FGF13: variants seen among roughly 807,000 people sequenced by gnomAD.
The protein encoded by FGF13 is fibroblast growth factor homologous factor 2.
A neutral mutation model predicts 19.5 loss-of-function variants in FGF13; 2 were observed. The observed-to-expected ratio is 0.10, with a 90% CI of 0.04 to 0.32. The LOEUF (loss-of-function observed/expected upper bound fraction) is 0.32. Among genes scored for constraint, FGF13 ranks in the 10% least tolerant of loss-of-function variants. The pLI is 1.00. For synonymous variants in FGF13, 72 were observed against 76.9 expected, an observed-to-expected ratio of 0.94 and a Z score of 0.33; for missense variants, 113 against 192.7, an observed-to-expected ratio of 0.59 and a Z score of 2.45.
At chrX:139,150,178 A>G (rs941226469) in intron 1 of FGF13, among the ~76,000 whole-genome samples, 13 of 111,438 alleles carry the variant, frequency 1.2e-4, no homozygotes, top group African/African-American at 3.9e-4. Context: ...CTGCCAGGGA[A>G]GAAGACAGAA....
At chrX:138,984,523 G>GAAGAACAA (rs2091979498) in intron 1 of FGF13, among the ~76,000 whole-genome samples, 4 of 31,578 alleles carry the variant, frequency 1.3e-4, no homozygotes, top group African/African-American at 4.9e-4. Context: ...AAGAAGAAGA[G>GAAGAACAA]GAAGAAGAAG....
At chrX:138,908,859 C>T (rs2091572997) in intron 1 of FGF13, among the ~76,000 whole-genome samples, 1 of 112,249 alleles carries the variant, frequency 8.9e-6, no homozygotes, top group Non-Finnish European at 1.9e-5. Flanking sequence ...CTATTCCTAA[C>T]ATCTGCCTTC....
chrX:139,061,695 G>A (rs1295804384), intron 1 of FGF13, among the ~76,000 whole-genome samples: 2 of 111,515 alleles, frequency 1.8e-5, no homozygotes, highest in Non-Finnish European at 3.8e-5. Context: ...CAGGGTACAA[G>A]GGTTCCCTTT....
At chrX:138,788,725 T>C (rs2124369558) in intron 3 of FGF13, among the ~76,000 whole-genome samples, 1 of 112,314 alleles carries the variant, frequency 8.9e-6, no homozygotes, top group South Asian at 3.8e-4. Context: ...ATTATGTTTG[T>C]GGTTGACATC....
Position 138,622,553 on chromosome X carries a change from T to C in FGF13, c.*10297A>G, listed in dbSNP as rs2089023539. 1 of 112,347 alleles carries C rather than the reference T, an allele frequency of 8.9e-6. No homozygotes were observed. The highest frequency in any genetic ancestry group is 3.2e-5 in the African/African-American group (1 of 30,974). The allele number at this position is 112,347 out of a possible 1,213,427, so 9.3% of individuals were successfully genotyped here. ...TCTGAAATCAGGATGAAGAAGAGAA[T>C]GCTCACTCTTGCCACTTCTATTCCA... On this transcript the variant is annotated 3_prime_UTR_variant, in exon 5 of 5. Transcript: ENST00000315930.
At chrX:138,707,959 C>T (rs1178563785) in intron 2 of FGF13, among the ~76,000 whole-genome samples, 2 of 111,499 alleles carry the variant, frequency 1.8e-5, no homozygotes, top group African/African-American at 6.5e-5. Flanking sequence ...AATATTAATG[C>T]GAAATTATCA....
intron 1 of FGF13, among the ~76,000 whole-genome samples, chrX:138,943,968 T>C (rs2091770750): frequency 9.0e-6 from 1 of 111,578 alleles, no homozygotes; most frequent in African/African-American, 3.3e-5. Flanking sequence ...ATATTTGTAC[T>C]ATTTTACTGG....
intron 1 of FGF13, among the ~76,000 whole-genome samples, chrX:139,138,445 A>T (rs972583804): frequency 2.7e-5 from 3 of 111,866 alleles, no homozygotes; most frequent in African/African-American, 9.8e-5. Context: ...AAGGACAAAA[A>T]GTCTGCTCAT....
intron 1 of FGF13, among the ~76,000 whole-genome samples, chrX:138,727,627 T>A (rs746380118): frequency 9.0e-6 from 1 of 111,539 alleles, no homozygotes; most frequent in African/African-American, 3.2e-5. Flanking sequence ...ACCATAGAAA[T>A]ACATAGGATA....
At chrX:138,764,739 A>T (rs1239089239) in intron 3 of FGF13, among the ~76,000 whole-genome samples, 2 of 112,062 alleles carry the variant, frequency 1.8e-5, no homozygotes, top group African/African-American at 6.5e-5. Flanking sequence ...ACTGTCTAGC[A>T]CTTCACAGAA....
intron 3 of FGF13, among the ~76,000 whole-genome samples, chrX:138,802,693 C>A (rs2090838380): frequency 9.0e-6 from 1 of 111,524 alleles, no homozygotes; most frequent in African/African-American, 3.3e-5. Flanking sequence ...GCCTCCTTTT[C>A]CTAGTTGCTC....
chrX:139,109,115 A>G (rs760700853), intron 1 of FGF13, among the ~76,000 whole-genome samples: 1 of 112,225 alleles, frequency 8.9e-6, no homozygotes, highest in South Asian at 3.7e-4. Flanking sequence ...TATCACAAAA[A>G]TAAGCAAGTT....
intron 1 of FGF13, among the ~76,000 whole-genome samples, chrX:139,054,117 C>CTTTTTTTTTTTTTT: frequency 2.9e-5 from 1 of 33,960 alleles, no homozygotes; most frequent in Non-Finnish European, 4.7e-5. Context: ...GTCTACGTGC[C>CTTTTTTTTTTTTTT]TTTTTTTTTT....
At chrX:138,760,213 A>G (rs1050935799) in intron 3 of FGF13, among the ~76,000 whole-genome samples, 19 of 111,888 alleles carry the variant, frequency 1.7e-4, no homozygotes, top group Non-Finnish European at 1.9e-4. Flanking sequence ...CATATTTACC[A>G]TCTTTCAACA....
chrX:138,709,796 A>C (rs1370360109), intron 1 of FGF13, among the ~76,000 whole-genome samples: 1 of 112,193 alleles, frequency 8.9e-6, no homozygotes, highest in Non-Finnish European at 1.9e-5. Flanking sequence ...GAGCCACATA[A>C]GCATGCTTTG....
At chrX:138,841,295 G>A (rs911057030) in intron 3 of FGF13, among the ~76,000 whole-genome samples, 1 of 110,739 alleles carries the variant, frequency 9.0e-6, no homozygotes, top group Non-Finnish European at 1.9e-5. Context: ...GAAGCCCACG[G>A]CCATCATTAT....
Position 138,661,599 on chromosome X carries a change from T to C in FGF13, c.403-25944A>G, listed in dbSNP as rs6635709. Among the ~76,000 whole-genome samples, 6 of 111,829 alleles carry C rather than the reference T, an allele frequency of 5.4e-5. No individual in the cohort carries two copies. The East Asian group carries it at 1.7e-3, about 32-fold the overall frequency. ...TTGGAGATTTTCTCTGTTTCTCATA[T>C]AGTCTTCTGTTTTCACCAATAGTAT... On this transcript the variant is annotated intron_variant, in intron 3 of 4. Transcript: ENST00000315930.
intron 1 of FGF13, among the ~76,000 whole-genome samples, chrX:139,146,259 A>G (rs2083888435): frequency 1.8e-5 from 2 of 112,320 alleles, no homozygotes; most frequent in Non-Finnish European, 3.8e-5. Context: ...CAAAGAACTT[A>G]AACAAATTTA....
rs376767028 is a variant in FGF13 at position 139,193,226 on chromosome X, A to G, written c.-113+10190T>C. 8.1e-5 allele frequency among the ~76,000 whole-genome samples: 9 copies of G among 111,168 alleles called. No individual in the cohort carries two copies. The East Asian group carries it at 2.6e-3, about 32-fold the overall frequency. On this transcript the variant is annotated intron_variant, in intron 1 of 2. Coordinates refer to the FGF13 transcript ENST00000421460. Reference sequence around the variant, plus strand: ...AGTAATATTATCAGTATCATCATTGACCAAATTCTACGTAGATAGCCCATT... The same window carrying G: ...AGTAATATTATCAGTATCATCATTGGCCAAATTCTACGTAGATAGCCCATT...
Sources: allele counts gnomAD v4.1 joint callset (sites outside exome capture counted in the v4.1 genomes callset), GRCh38; gene constraint gnomAD v4.1.1; transcripts MANE v1.5; gene names NCBI Gene and HGNC (gene_info 2026-07-23, HGNC 2026-07-21).